The following NPHP4 variants were observed in gnomAD, a reference collection of about 807,000 sequenced individuals.
NPHP4 encodes nephrocystin 4.
Under a neutral mutation model 155.8 loss-of-function variants are expected in NPHP4, and 151 were observed. The ratio of observed to expected loss-of-function variants is 0.97; its 90% CI spans 0.85 to 1.11. NPHP4 has a LOEUF of 1.11. NPHP4 is among the 50% of genes least tolerant of loss of function. The pLI, the probability that NPHP4 is intolerant of heterozygous loss-of-function variation, is 0.00. For synonymous variants in NPHP4, 845 were observed against 816.8 expected (o/e 1.03, Z -0.59); for missense variants, 1,956 against 1,925.7 (o/e 1.02, Z -0.29).
chr1:5,897,815 T>C (rs544851430), intron 16 of NPHP4, among the ~76,000 whole-genome samples: 1 of 152,350 alleles, frequency 6.6e-6, no homozygotes, highest in Non-Finnish European at 1.5e-5. Context: ...TGCACATATA[T>C]AAAAGGGTAC....
In NPHP4 at chr1:5,978,449, G is replaced by A. The variant is rs1324743647; in HGVS notation, c.136-36C>T. 4 of 1,579,374 alleles carry A rather than the reference G, an allele frequency of 2.5e-6. 1 individual carries two copies. The South Asian group carries it at 4.6e-5, about 18-fold the overall frequency. ...ACGGGGAATTGACCCTCAAGAGTCTGAGCACCATGAGCCAGGAGGTCACTG... is the reference window on the plus strand; with the variant it reads ...ACGGGGAATTGACCCTCAAGAGTCTAAGCACCATGAGCCAGGAGGTCACTG... On this transcript the variant is annotated intron_variant, in intron 2 of 29. Transcript: ENST00000378156.
At chr1:5,927,971 TA>T (rs1353006961) in intron 10 of NPHP4, among the ~76,000 whole-genome samples, 184 bp from the exon 11 acceptor site, 1 of 152,164 alleles carries the variant, frequency 6.6e-6, no homozygotes, top group East Asian at 1.9e-4. Flanking sequence ...GGTGTGGCAT[TA>T]AAAGCCCTGC....
At chr1:5,927,910 G>A (rs1164442747) in intron 10 of NPHP4, 123 bp from the exon 11 acceptor site, 1 of 988,308 alleles carries the variant, frequency 1.0e-6, no homozygotes. Context: ...GAGGCTTCTT[G>A]ATGCCACATG....
intron 18 of NPHP4, 133 bp from the exon 19 acceptor site, chr1:5,880,372 C>T (rs922424521): frequency 1.2e-6 from 1 of 857,636 alleles, no homozygotes; most frequent in African/African-American, 1.7e-5. Context: ...GCCCCACCGC[C>T]TCTGTTTTGA....
At chr1:5,977,362 C>T (rs1484090686) in intron 3 of NPHP4, among the ~76,000 whole-genome samples, 5 of 152,094 alleles carry the variant, frequency 3.3e-5, no homozygotes, top group South Asian at 2.1e-4. Flanking sequence ...CTGCTTGTCA[C>T]GGAGTCAGTT....
At chr1:5,883,533 G>C (rs931930575) in intron 18 of NPHP4, among the ~76,000 whole-genome samples, 2 of 152,208 alleles carry the variant, frequency 1.3e-5, no homozygotes, top group South Asian at 4.1e-4. Context: ...TGGCAGTCCT[G>C]GCAAGCTCTC....
At position 5,865,125 on chromosome 1, in the gene NPHP4, T is replaced by C. The variant is rs1473099489; in HGVS notation, c.3793A>G (p.Thr1265Ala). 6.2e-7 allele frequency: 1 copy of C among 1,613,518 alleles called. No individual in the cohort carries two copies. The highest frequency in any genetic ancestry group is 1.1e-5 in the South Asian group (1 of 91,054). Residue 1265 changes from threonine (T) to alanine (A), a missense_variant, in exon 27 of 30, where the codon ACC becomes GCC. Coordinates refer to ENST00000378156, the MANE Select transcript of NPHP4 (RefSeq NM_015102.5). The stretch of plus-strand genomic sequence containing the variant: ...ACCTTCAGCTCCTGGGGATGAGAGG[T>C]GAAAGCTCTCACTTTCCTCACTGTC... ...TQTVRKVRAFTSHPQELKTDP... is the reference protein window; with the variant it reads ...TQTVRKVRAFASHPQELKTDP...
intron 18 of NPHP4, among the ~76,000 whole-genome samples, chr1:5,883,823 A>C (rs1056935175): frequency 3.3e-5 from 5 of 152,172 alleles, no homozygotes; most frequent in African/African-American, 1.2e-4. Context: ...TGTACTATGC[A>C]CCACCCTGAG....
intron 16 of NPHP4, among the ~76,000 whole-genome samples, chr1:5,903,096 G>T (rs1237678517): frequency 6.6e-6 from 1 of 152,126 alleles, no homozygotes; most frequent in Non-Finnish European, 1.5e-5. Flanking sequence ...GGATGTACAG[G>T]TTTTCTCAGA....
intron 23 of NPHP4, among the ~76,000 whole-genome samples, chr1:5,870,063 T>C (rs996427342): frequency 1.3e-5 from 2 of 152,230 alleles, no homozygotes; most frequent in Non-Finnish European, 2.9e-5. Context: ...GAGAGGGACT[T>C]AGCAGCAGTG....
intron 11 of NPHP4, among the ~76,000 whole-genome samples, chr1:5,914,923 C>G (rs76912896): frequency 6.6e-6 from 1 of 152,218 alleles, no homozygotes; most frequent in Non-Finnish European, 1.5e-5. Context: ...TAGACCTCCC[C>G]CCCGCACCCT....
chr1:5,952,678 C>A (rs1313285104), intron 7 of NPHP4, 22 bp downstream of exon 7: 2 of 1,539,758 alleles, frequency 1.3e-6, no homozygotes, highest in African/African-American at 1.4e-5. Flanking sequence ...CCCTGCCCCC[C>A]ATCACGCTTC....
At chr1:5,951,963 C>T (rs1054630956) in intron 7 of NPHP4, among the ~76,000 whole-genome samples, 2 of 152,216 alleles carry the variant, frequency 1.3e-5, no homozygotes, top group African/African-American at 4.8e-5. Context: ...CGCACCTGCA[C>T]GACGCAGACA....
At chr1:5,946,094 T>A (rs1647081658) in intron 9 of NPHP4, among the ~76,000 whole-genome samples, 1 of 152,230 alleles carries the variant, frequency 6.6e-6, no homozygotes, top group African/African-American at 2.4e-5. Flanking sequence ...GTGTCATAGG[T>A]ATGTATATGC....
chr1:5,897,631 C>A (rs1644459679), intron 16 of NPHP4, among the ~76,000 whole-genome samples: 2 of 152,138 alleles, frequency 1.3e-5, no homozygotes, highest in African/African-American at 2.4e-5. Context: ...CACTTGGTCT[C>A]TCCTGAAAGC....
intron 11 of NPHP4, among the ~76,000 whole-genome samples, chr1:5,924,176 T>C (rs1228853785): frequency 2.0e-5 from 3 of 151,968 alleles, no homozygotes; most frequent in African/African-American, 7.3e-5. Context: ...ACAGAAACTA[T>C]CTAAAATGAA....
At chr1:5,972,879 T>C (rs116005968) in intron 3 of NPHP4, among the ~76,000 whole-genome samples, 2,261 of 152,136 alleles carry the variant, frequency 0.015, 56 homozygotes, top group African/African-American at 0.052. Flanking sequence ...GTAGGGTTTT[T>C]TTTTGTTTGG....
rs1641398722 is a variant in NPHP4, at chr1:5,867,751, T to C, written c.3461A>G (p.His1154Arg). 1.9e-6 allele frequency: 3 copies of C among 1,610,058 alleles called. No individual in the cohort carries two copies. Among genetic ancestry groups the C allele is most frequent in the African/African-American group, 2.7e-5 (2 of 74,914 alleles). Residue 1154 changes from histidine to arginine, a missense_variant, in exon 24 of 30, where the codon CAC becomes CGC. By Grantham distance (29) the His-to-Arg change is conservative (BLOSUM62 0). Transcript: ENST00000378156. The surrounding 1 kb of genome is among the most constrained non-coding windows in gnomAD (Gnocchi z 4.1). ...AGTGCAGGACCTGCCTGGAAATGTG[T>C]GCCAGGGCGGCAGGCGGATGGCCTT... ...LKKAIRLPPW[H>R]TFPGAPVGML...
At chr1:5,927,834 C>G (rs142265695) in intron 10 of NPHP4, 47 bp from the exon 11 acceptor site, 1 of 1,567,968 alleles carries the variant, frequency 6.4e-7, no homozygotes, top group African/African-American at 1.3e-5. Flanking sequence ...TTCATCAGCA[C>G]GCCTATCAGA....
Sources: gnomAD v4.1 joint callset for allele counts (sites outside exome capture counted in the v4.1 genomes callset) on GRCh38, gnomAD v4.1.1 for gene constraint, Gnocchi (gnomAD v3.1) non-coding constraint, MANE v1.5 for transcripts, NCBI Gene and HGNC (gene_info 2026-07-23, HGNC 2026-07-21) for gene names.